Variants in COL8A1 observed in about 807,000 individuals in gnomAD.
The protein encoded by COL8A1 is collagen type VIII alpha 1 chain.
Under a neutral mutation model 42.7 loss-of-function variants are expected in COL8A1, and 21 were observed. That is an observed-to-expected ratio of 0.49 (90% CI 0.35 to 0.71). The LOEUF (loss-of-function observed/expected upper bound fraction) is 0.71, where lower values mean the gene tolerates loss of function less well. COL8A1 is among the 30% of genes least tolerant of loss of function. The pLI, the probability that COL8A1 is intolerant of heterozygous loss-of-function variation, is 0.01. For synonymous variants in COL8A1, 367 were observed against 369.1 expected, an observed-to-expected ratio of 0.99 and a Z score of 0.06; for missense variants, 788 against 962.4, an observed-to-expected ratio of 0.82 and a Z score of 2.40.
chr3:99,772,506 T>C (rs1941599539), intron 2 of COL8A1, among the ~76,000 whole-genome samples: 1 of 152,162 alleles, frequency 6.6e-6, no homozygotes, highest in African/African-American at 2.4e-5. Context: ...AAATGCAACA[T>C]TGCGGAGCAG....
intron 2 of COL8A1, among the ~76,000 whole-genome samples, chr3:99,759,540 T>C (rs1017339534): frequency 2.6e-5 from 4 of 152,186 alleles, no homozygotes; most frequent in Admixed American, 2.0e-4. Context: ...ATATTTTGCT[T>C]GAAATGAACT....
intron 2 of COL8A1, among the ~76,000 whole-genome samples, chr3:99,745,904 C>T (rs1299282162): frequency 6.6e-6 from 1 of 151,906 alleles, no homozygotes; most frequent in East Asian, 1.9e-4. Context: ...CACAGCCATC[C>T]TATGCTTATT....
intron 2 of COL8A1, among the ~76,000 whole-genome samples, chr3:99,760,077 C>G (rs142945010): frequency 6.6e-6 from 1 of 151,884 alleles, no homozygotes; most frequent in African/African-American, 2.4e-5. Context: ...AAATGTCAGA[C>G]AGTGAATATT....
At chr3:99,671,257 A>C (rs1325710000) in intron 1 of COL8A1, among the ~76,000 whole-genome samples, 1 of 152,050 alleles carries the variant, frequency 6.6e-6, no homozygotes, top group Non-Finnish European at 1.5e-5. Flanking sequence ...ATAATTCTTC[A>C]GATGTGGTAA....
chr3:99,791,926 A>G lies in COL8A1; in HGVS notation c.328+916A>G, dbSNP rs1427319400. ...AGAATCAGTGACATACATAGTAAGTAAAGTGCTGAGTAAATGCTAAAGCAC... is the reference window on the plus strand; with the variant it reads ...AGAATCAGTGACATACATAGTAAGTGAAGTGCTGAGTAAATGCTAAAGCAC... On this transcript the variant is annotated intron_variant, in intron 3 of 3. Transcript: ENST00000652472. 2.0e-5 allele frequency among the ~76,000 whole-genome samples: 3 copies of G among 152,236 alleles called. No individual in the cohort carries two copies. In the East Asian group the frequency reaches 5.8e-4, roughly 29 times the overall value.
rs1559639029 is a variant in COL8A1 at position 99,795,689 on chromosome 3, A to C, written c.1788A>C (p.Lys596Asn). Residue 596 changes from lysine (K) to asparagine (N), a missense_variant, in exon 4 of 4, where the codon AAA (lysine) becomes AAC (asparagine). This residue lies in a region of COL8A1 where 212 missense variants were observed against 210.9 expected (regional missense o/e 1.00). Coordinates refer to ENST00000652472, the MANE Select transcript of COL8A1 (RefSeq NM_020351.4). ...TGGGGCTGGGAATTGATGGCGTGAA[A>C]CCCCCCCATGCCTACGGGGCTAAGA... ...PDMGLGIDGV[K>N]PPHAYGAKKG... 4 of 1,611,042 alleles carry C rather than the reference A, an allele frequency of 2.5e-6. No homozygotes were observed. The highest frequency in any genetic ancestry group is 1.7e-5 in the Admixed American group (1 of 59,706).
chr3:99,796,571 C>T lies in COL8A1; in HGVS notation c.*435C>T, dbSNP rs1414202932. ...TGATAACAATTACATACCGTATTTA[C>T]TTGCTTAATTTCCTCTGTATTTGTG... On this transcript the variant is annotated 3_prime_UTR_variant, in exon 4 of 4. Coordinates refer to ENST00000652472, the MANE Select transcript of COL8A1 (RefSeq NM_020351.4). The T allele has an allele frequency of 6.5e-6, 1 of 154,022 alleles. No individual in the cohort carries two copies. 9.5% of individuals were successfully genotyped at this position (154,022 alleles called of 1,614,324 possible). A position where few individuals can be genotyped will look rare whatever the true frequency, so the allele number is the denominator to read the frequency against.
intron 1 of COL8A1, among the ~76,000 whole-genome samples, chr3:99,674,681 T>C (rs896127227): frequency 2.6e-5 from 4 of 152,096 alleles, no homozygotes; most frequent in Non-Finnish European, 5.9e-5. Flanking sequence ...GAGCTCACAA[T>C]GGCCAGCACA....
intron 1 of COL8A1, among the ~76,000 whole-genome samples, chr3:99,648,294 T>C (rs1937721157): frequency 6.6e-6 from 1 of 152,120 alleles, no homozygotes; most frequent in South Asian, 2.1e-4. Context: ...CTGTGCTGCT[T>C]CTCATGATGT....
At chr3:99,702,005 G>A (rs1174440093) in intron 1 of COL8A1, among the ~76,000 whole-genome samples, 23 of 152,102 alleles carry the variant, frequency 1.5e-4, no homozygotes, top group Admixed American at 1.5e-3. Flanking sequence ...GGTAATATAA[G>A]CCACTAACTA....
At chr3:99,782,854 T>C (rs1190917618) in intron 2 of COL8A1, among the ~76,000 whole-genome samples, 1 of 152,184 alleles carries the variant, frequency 6.6e-6, no homozygotes. Context: ...GGGTCCGAAC[T>C]AAAACTTAGG....
intron 2 of COL8A1, among the ~76,000 whole-genome samples, chr3:99,747,726 G>A (rs1164629815): frequency 1.3e-5 from 2 of 152,136 alleles, no homozygotes; most frequent in African/African-American, 2.4e-5. Flanking sequence ...TTTTACTGCA[G>A]AACATTATGA....
intron 1 of COL8A1, among the ~76,000 whole-genome samples, chr3:99,726,169 T>C (rs1439442299): frequency 1.3e-5 from 2 of 152,224 alleles, no homozygotes; most frequent in Non-Finnish European, 2.9e-5. Context: ...TGGCCAGTGA[T>C]GATGAGTACT....
At chr3:99,754,970 G>A (rs1289583669) in intron 2 of COL8A1, among the ~76,000 whole-genome samples, 1 of 152,132 alleles carries the variant, frequency 6.6e-6, no homozygotes, top group African/African-American at 2.4e-5. Context: ...AGAGTCAGAG[G>A]AATAATGGGT....
At chr3:99,699,757 C>G (rs185915852) in intron 1 of COL8A1, among the ~76,000 whole-genome samples, 1,894 of 152,274 alleles carry the variant, frequency 0.012, 34 homozygotes, top group African/African-American at 0.043. Flanking sequence ...ATTCTCCATT[C>G]TGAATAAATA....
chr3:99,760,671 G>A (rs915409513), intron 2 of COL8A1, among the ~76,000 whole-genome samples: 1 of 152,106 alleles, frequency 6.6e-6, no homozygotes, highest in Admixed American at 6.6e-5. Context: ...ACATGATTTG[G>A]ATTACAAATT....
Position 99,792,390 on chromosome 3 carries a change from A to T in COL8A1, c.328+1380A>T, listed in dbSNP as rs1045662948. ...GGATTAAGGTGCTACTAGTGACATA[A>T]GTATTATGCCAAGAAGATATTGGGA... On this transcript the variant is annotated intron_variant, in intron 3 of 3. Transcript: ENST00000652472. 2.6e-5 allele frequency among the ~76,000 whole-genome samples: 4 copies of T among 152,318 alleles called. No homozygotes were observed. In the East Asian group the frequency reaches 7.7e-4, roughly 29 times the overall value.
At chr3:99,717,411 G>C (rs1039326878) in intron 1 of COL8A1, among the ~76,000 whole-genome samples, 2 of 151,906 alleles carry the variant, frequency 1.3e-5, no homozygotes, top group Non-Finnish European at 2.9e-5. Flanking sequence ...TCAAAGACAC[G>C]ACACATCCAA....
intron 1 of COL8A1, among the ~76,000 whole-genome samples, chr3:99,688,313 T>G (rs1939123591): frequency 6.6e-6 from 1 of 152,224 alleles, no homozygotes; most frequent in Non-Finnish European, 1.5e-5. Flanking sequence ...TCAATAGGGC[T>G]GCATTCCTTC....
Sources: allele counts gnomAD v4.1 joint callset (sites outside exome capture counted in the v4.1 genomes callset), GRCh38; gene constraint gnomAD v4.1.1; regional missense constraint gnomAD v4.1.1; transcripts MANE v1.5; gene names NCBI Gene and HGNC (gene_info 2026-07-23, HGNC 2026-07-21).